The following KAZN variants were observed in gnomAD, a reference collection of about 807,000 sequenced individuals.
KAZN encodes kazrin, periplakin interacting protein.
A neutral mutation model predicts 87.4 loss-of-function variants in KAZN; 40 were observed. The ratio of observed to expected loss-of-function variants is 0.46; its 90% CI spans 0.36 to 0.60. The LOEUF (loss-of-function observed/expected upper bound fraction) is 0.60, where lower values mean the gene tolerates loss of function less well. Ranked by LOEUF, KAZN falls within the 20% of genes least tolerant of loss-of-function variation. The pLI is 0.00. For synonymous variants in KAZN, 466 were observed against 458.3 expected (o/e 1.02, Z -0.22); for missense variants, 898 against 1,073.9 (o/e 0.84, Z 2.29).
At chr1:14,721,817 G>A (rs1643124128) in intron 1 of KAZN, among the ~76,000 whole-genome samples, 1 of 152,094 alleles carries the variant, frequency 6.6e-6, no homozygotes, top group African/African-American at 2.4e-5. Context: ...GGATAAATAA[G>A]TAGAAATACA....
At chr1:14,794,465 A>G (rs911300514) in intron 1 of KAZN, among the ~76,000 whole-genome samples, 1 of 152,086 alleles carries the variant, frequency 6.6e-6, no homozygotes, top group Non-Finnish European at 1.5e-5. Flanking sequence ...TGCCTCCCCT[A>G]CTAAATGGGT....
chr1:14,871,511 G>A (rs949728730), intron 1 of KAZN, among the ~76,000 whole-genome samples: 6 of 151,966 alleles, frequency 3.9e-5, no homozygotes, highest in African/African-American at 9.7e-5. Context: ...TCCATAGGGC[G>A]TGCCACACCA....
chr1:14,527,859 C>T (rs1671974355), intron 2 of KAZN, among the ~76,000 whole-genome samples: 1 of 152,166 alleles, frequency 6.6e-6, no homozygotes, highest in African/African-American at 2.4e-5. Flanking sequence ...CAAATACCTT[C>T]TATCAGGCCC....
At chr1:14,745,394 C>T (rs1256977945) in intron 1 of KAZN, among the ~76,000 whole-genome samples, 1 of 152,096 alleles carries the variant, frequency 6.6e-6, no homozygotes, top group Non-Finnish European at 1.5e-5. Context: ...AATCCCCTGG[C>T]ACAATCGTGG....
chr1:14,760,065 T>A (rs1644693638), intron 1 of KAZN, among the ~76,000 whole-genome samples: 2 of 151,944 alleles, frequency 1.3e-5, no homozygotes, highest in South Asian at 4.2e-4. Flanking sequence ...CACCCCGAGG[T>A]GTAACTTACA....
At chr1:15,078,841 T>C (rs1413806534) in intron 8 of KAZN, among the ~76,000 whole-genome samples, 1 of 152,024 alleles carries the variant, frequency 6.6e-6, no homozygotes, top group African/African-American at 2.4e-5. Flanking sequence ...CTCCTATAGG[T>C]GTCTAAGTTG....
At chr1:14,626,430 AT>A (rs1222217846) in intron 1 of KAZN, among the ~76,000 whole-genome samples, 8 of 152,212 alleles carry the variant, frequency 5.3e-5, no homozygotes, top group Non-Finnish European at 7.3e-5. Context: ...ACAACAGCCC[AT>A]TGTGTTGTTT....
At chr1:13,916,617 G>A (rs953582950) in intron 1 of KAZN, among the ~76,000 whole-genome samples, 11 of 152,202 alleles carry the variant, frequency 7.2e-5, no homozygotes, top group African/African-American at 2.4e-4. Flanking sequence ...TCATACAAAT[G>A]TATGTAAAAT....
Position 14,149,598 on chromosome 1 carries a change from G to A in KAZN, c.92-30837G>A, listed in dbSNP as rs191563633. 5.3e-5 allele frequency among the ~76,000 whole-genome samples: 8 copies of A among 152,082 alleles called. No individual in the cohort carries two copies. The East Asian group carries it at 5.8e-4, about 11-fold the overall frequency. On this transcript the variant is annotated intron_variant, in intron 1 of 16. Transcript: ENST00000636203. ...CCACACTTCCCTGGGCGTTTTCATC[G>A]GTCACCACTACGTCATCTGATTTAT...
intron 2 of KAZN, among the ~76,000 whole-genome samples, chr1:14,465,127 T>C (rs9429256): frequency 0.73 from 110,804 of 151,540 alleles, 40,654 homozygotes; most frequent in East Asian, 0.89. Flanking sequence ...CAGCCAGGTG[T>C]GGTGGCTCAT....
At chr1:14,715,742 G>A (rs1308541820) in intron 1 of KAZN, among the ~76,000 whole-genome samples, 2 of 152,174 alleles carry the variant, frequency 1.3e-5, no homozygotes, top group Non-Finnish European at 2.9e-5. Context: ...TAAAAGTATC[G>A]CAGCTTCATT....
At chr1:13,972,041 A>G (rs1642155519) in intron 1 of KAZN, among the ~76,000 whole-genome samples, 1 of 152,170 alleles carries the variant, frequency 6.6e-6, no homozygotes, top group Admixed American at 6.5e-5. Flanking sequence ...GCATTTCTTT[A>G]TATTAATGTT....
At position 14,507,000 on chromosome 1, in the gene KAZN, G is replaced by A. The variant is rs146545584; in HGVS notation, c.250-91983G>A. ...CCAGCCATCCCATTGTGGTGCATCC[G>A]CATAAATTAGGCACCCAGATCATCC... On this transcript the variant is annotated intron_variant, in intron 2 of 16. Transcript: ENST00000636203. Among the ~76,000 whole-genome samples, 81 of 152,260 alleles carry A rather than the reference G, an allele frequency of 5.3e-4. No homozygotes were observed. The East Asian group carries it at 7.3e-3, about 14-fold the overall frequency.
At chr1:14,682,629 A>ATATAGAGACC (rs1640737848) in intron 1 of KAZN, among the ~76,000 whole-genome samples, 1 of 152,104 alleles carries the variant, frequency 6.6e-6, no homozygotes, top group African/African-American at 2.4e-5. Flanking sequence ...ATCCCATTGT[A>ATATAGAGACC]TATAGAGACC....
intron 1 of KAZN, among the ~76,000 whole-genome samples, chr1:14,659,806 C>T (rs1192051285): frequency 6.6e-6 from 1 of 151,690 alleles, no homozygotes; most frequent in African/African-American, 2.4e-5. Context: ...TCCTTTGTTG[C>T]CAGGGAAATC....
chr1:13,920,365 G>A (rs1427287643), intron 1 of KAZN, among the ~76,000 whole-genome samples: 1 of 151,594 alleles, frequency 6.6e-6, no homozygotes, highest in Non-Finnish European at 1.5e-5. Context: ...TCTTTGATGT[G>A]TTTACCTGTC....
chr1:14,036,939 C>T (rs1477028676), intron 1 of KAZN, among the ~76,000 whole-genome samples: 1 of 151,894 alleles, frequency 6.6e-6, no homozygotes, highest in Non-Finnish European at 1.5e-5. Flanking sequence ...ACCACCACGC[C>T]CAGCTAATTT....
At chr1:15,053,319 G>T (rs1244898161) in intron 4 of KAZN, among the ~76,000 whole-genome samples, 1 of 152,170 alleles carries the variant, frequency 6.6e-6, no homozygotes, top group African/African-American at 2.4e-5. Context: ...CGTGATGCTA[G>T]GTCTGCTGCA....
intron 2 of KAZN, among the ~76,000 whole-genome samples, chr1:14,990,531 T>A (rs1211912274): frequency 6.6e-6 from 1 of 152,108 alleles, no homozygotes; most frequent in African/African-American, 2.4e-5. Flanking sequence ...GCCTACCACC[T>A]GTTTTTATAA....
Sources: allele counts gnomAD v4.1 joint callset (sites outside exome capture counted in the v4.1 genomes callset), GRCh38; gene constraint gnomAD v4.1.1; transcripts MANE v1.5; gene names NCBI Gene and HGNC (gene_info 2026-07-23, HGNC 2026-07-21).